The following ZPLD1 variants were observed in gnomAD, a reference collection of about 807,000 sequenced individuals.
ZPLD1 encodes the protein zona pellucida-like domain-containing protein 1.
ZPLD1 carries 34 observed loss-of-function variants against 47.2 expected under a neutral mutation model. That is an observed-to-expected ratio of 0.72 (90% CI 0.55 to 0.96). The LOEUF (loss-of-function observed/expected upper bound fraction) is 0.96. ZPLD1 is among the 40% of genes least tolerant of loss of function. The probability of loss-of-function intolerance (pLI) is 0.00; values close to 1 mark genes in which losing one functional copy is unlikely to be tolerated. For synonymous variants in ZPLD1, 176 were observed against 186.2 expected, an observed-to-expected ratio of 0.95 and a Z score of 0.45; for missense variants, 512 against 505.8, an observed-to-expected ratio of 1.01 and a Z score of -0.12.
At chr3:102,416,791 G>T (rs574512519) in intron 7 of ZPLD1, among the ~76,000 whole-genome samples, 14 of 151,138 alleles carry the variant, frequency 9.3e-5, no homozygotes, top group Non-Finnish European at 1.6e-4. Context: ...TTCACTATTC[G>T]TGGGTAGAAT....
chr3:102,441,522 C>A (rs1381185129), intron 3 of ZPLD1, among the ~76,000 whole-genome samples: 2 of 152,020 alleles, frequency 1.3e-5, no homozygotes, highest in Non-Finnish European at 2.9e-5. Flanking sequence ...GCCAATTATT[C>A]CAATTAAAAG....
chr3:102,462,984 C>T (rs1042162845), intron 7 of ZPLD1, among the ~76,000 whole-genome samples: 3 of 152,108 alleles, frequency 2.0e-5, no homozygotes, highest in African/African-American at 7.2e-5. Context: ...AACTTTGCAT[C>T]CTGAAGAGAT....
rs1260956101 is a variant in ZPLD1 at position 102,452,994 on chromosome 3, C to T, written c.182C>T (p.Ser61Leu). Residue 61 changes from serine (S) to leucine (L), a missense_variant, in exon 4 of 12, where the codon TCG (serine) becomes TTG (leucine). Transcript: ENST00000466937. ...MKINFCTVLF[S>L]GYSETDLALN... ...ATTAATTTTTGCACGGTACTTTTCTCGGGTTATTCGGAAACAGATCTGGCA... is the reference window on the plus strand; with the variant it reads ...ATTAATTTTTGCACGGTACTTTTCTTGGGTTATTCGGAAACAGATCTGGCA... The T allele has an allele frequency of 6.2e-6, 10 of 1,613,948 alleles. No individual in the cohort carries two copies. In the East Asian group the frequency reaches 6.7e-5, roughly 11 times the overall value.
chr3:102,432,567 GTC>G (rs1707029077), upstream of ZPLD1, among the ~76,000 whole-genome samples: 2 of 152,112 alleles, frequency 1.3e-5, no homozygotes, highest in Admixed American at 6.5e-5. Flanking sequence ...GAGGTCATTT[GTC>G]TCTGCAAAAG....
chr3:102,402,550 A>G (rs956164886), intron 7 of ZPLD1, among the ~76,000 whole-genome samples: 3 of 152,032 alleles, frequency 2.0e-5, no homozygotes, highest in Admixed American at 6.6e-5. Context: ...GTGAGAGGAC[A>G]TTGGTAAGTC....
intron 10 of ZPLD1, among the ~76,000 whole-genome samples, chr3:102,473,889 C>A (rs1216778135): frequency 2.0e-5 from 3 of 152,046 alleles, no homozygotes; most frequent in Admixed American, 2.0e-4. Flanking sequence ...GGTCCTGTGG[C>A]CAATTTTATA....
At chr3:102,467,031 A>T (rs1405797852) in intron 8 of ZPLD1, among the ~76,000 whole-genome samples, 1 of 152,138 alleles carries the variant, frequency 6.6e-6, no homozygotes, top group East Asian at 1.9e-4. Context: ...ATATAAAAAG[A>T]CATAGAAATA....
intron 7 of ZPLD1, among the ~76,000 whole-genome samples, chr3:102,417,199 T>C (rs1706819159): frequency 6.6e-6 from 1 of 151,988 alleles, no homozygotes; most frequent in Non-Finnish European, 1.5e-5. Context: ...ATGTGCTTTT[T>C]TCAGGGTAGC....
At chr3:102,398,673 C>T (rs551737621) in intron 7 of ZPLD1, among the ~76,000 whole-genome samples, 10 of 152,134 alleles carry the variant, frequency 6.6e-5, no homozygotes, top group Admixed American at 1.3e-4. Flanking sequence ...TCAATGTGGC[C>T]TGTGCTGTGC....
At position 102,479,149 on chromosome 3, in the gene ZPLD1, A is replaced by C. The variant is rs1309491593; in HGVS notation, c.*1531A>C. ...CTTTTTATTTCAAGGTATAGTTGCC[A>C]AGTAAAGTGGGATCTGGAAAGTCTC... On this transcript the variant is annotated 3_prime_UTR_variant, in exon 12 of 12. Coordinates refer to ENST00000466937, the MANE Select transcript of ZPLD1 (RefSeq NM_001329788.2). The C allele has an allele frequency of 1.3e-5, 2 of 152,202 alleles. No individual in the cohort carries two copies. The highest frequency in any genetic ancestry group is 1.3e-4 in the Admixed American group (2 of 15,280). The allele number at this position is 152,202 out of a possible 1,614,324, so 9.4% of individuals were successfully genotyped here. A position where few individuals can be genotyped will look rare whatever the true frequency, so the allele number is the denominator to read the frequency against.
At chr3:102,464,544 C>T (rs951182200) in intron 8 of ZPLD1, among the ~76,000 whole-genome samples, 3 of 152,034 alleles carry the variant, frequency 2.0e-5, no homozygotes, top group Admixed American at 1.3e-4. Flanking sequence ...TCTTAGGAAA[C>T]GCATAGTTAG....
chr3:102,432,251 G>C (rs888175066), upstream of ZPLD1, among the ~76,000 whole-genome samples: 1 of 152,182 alleles, frequency 6.6e-6, no homozygotes, highest in African/African-American at 2.4e-5. Context: ...TGGGTATGAG[G>C]CCATGCCCCT....
intron 3 of ZPLD1, among the ~76,000 whole-genome samples, chr3:102,445,417 T>C (rs896066397): frequency 2.0e-5 from 3 of 152,184 alleles, no homozygotes; most frequent in Admixed American, 1.3e-4. Context: ...TGTAAGCATG[T>C]AAATCAGACA....
At chr3:102,402,377 C>T (rs1003768310) in intron 7 of ZPLD1, among the ~76,000 whole-genome samples, 17 of 152,036 alleles carry the variant, frequency 1.1e-4, no homozygotes, top group Non-Finnish European at 2.2e-4. Context: ...TTTACCTTCA[C>T]TTTTAATTGT....
At chr3:102,433,848 C>G (rs1460727034), upstream of ZPLD1, among the ~76,000 whole-genome samples, 1 of 152,118 alleles carries the variant, frequency 6.6e-6, no homozygotes, top group Non-Finnish European at 1.5e-5. Context: ...GTTCTTTATG[C>G]ACTCACTGCC....
chr3:102,394,469 T>G (rs548048184), intron 7 of ZPLD1, among the ~76,000 whole-genome samples: 25 of 152,336 alleles, frequency 1.6e-4, no homozygotes, highest in Middle Eastern at 3.4e-3. Context: ...CTTTTATGTT[T>G]AAATTGGTAA....
At chr3:102,426,725 A>G (rs988100373) in intron 8 of ZPLD1, among the ~76,000 whole-genome samples, 1 of 152,104 alleles carries the variant, frequency 6.6e-6, no homozygotes, top group Admixed American at 6.5e-5. Context: ...TTCAATATTG[A>G]TTGTTAAGTA....
intron 7 of ZPLD1, among the ~76,000 whole-genome samples, chr3:102,411,611 T>C (rs1300030878): frequency 6.6e-6 from 1 of 151,778 alleles, no homozygotes; most frequent in African/African-American, 2.4e-5. Flanking sequence ...GGACAGATAG[T>C]GAATACGTGG....
At position 102,477,059 on chromosome 3, in the gene ZPLD1, T is replaced by C. The variant is rs1027441689; in HGVS notation, c.1072+18T>C. The stretch of plus-strand genomic sequence containing the variant: ...GCAACTTGGTAAGATAATTAACATA[T>C]TTTGCAATGTTTTTTACATTTTTGG... On this transcript the variant is annotated intron_variant, in intron 11 of 11. Transcript: ENST00000466937. 1 of 1,612,974 alleles carries C rather than the reference T, an allele frequency of 6.2e-7. No individual in the cohort carries two copies. The highest frequency in any genetic ancestry group is 8.5e-7 in the Non-Finnish European group (1 of 1,179,108).
Sources: allele counts gnomAD v4.1 joint callset (sites outside exome capture counted in the v4.1 genomes callset), GRCh38; gene constraint gnomAD v4.1.1; transcripts MANE v1.5; gene names NCBI Gene and HGNC (gene_info 2026-07-23, HGNC 2026-07-21).